TPO: variants seen among roughly 807,000 people sequenced by gnomAD.
The protein encoded by TPO is thyroid peroxidase.
A neutral mutation model predicts 96.9 loss-of-function variants in TPO; 78 were observed. That is an observed-to-expected ratio of 0.81 (90% CI 0.67 to 0.97). The LOEUF (loss-of-function observed/expected upper bound fraction) is 0.97. Ranked by LOEUF, TPO falls within the 50% of genes least tolerant of loss-of-function variation. TPO has a pLI of 0.00. For missense variants in TPO, 1,252 were observed against 1,274.8 expected, an observed-to-expected ratio of 0.98 and a Z score of 0.27; for synonymous variants, 547 against 538.0, an observed-to-expected ratio of 1.02 and a Z score of -0.23.
chr2:1,496,620 C>A lies in TPO; in HGVS notation c.2241C>A (p.Ser747Arg). The A allele has an allele frequency of 6.2e-7, 1 of 1,613,790 alleles. No individual in the cohort carries two copies. Among genetic ancestry groups the A allele is most frequent in the Non-Finnish European group, 8.5e-7 (1 of 1,179,942 alleles). ...ACGACAAGTGTGGCTTCCCAGAGAG[C>A]GTGGAGAATGGGGACTTTGTGCACT... ...PQDDKCGFPE[S>R]VENGDFVHCE... The change falls in exon 13 of 17, where the codon AGC (serine) becomes AGA (arginine). Residue 747 changes from serine to arginine, a missense_variant. Coordinates refer to ENST00000329066, the MANE Select transcript of TPO (RefSeq NM_001206744.2).
At chr2:1,521,561 G>T (rs377166724) in intron 15 of TPO, among the ~76,000 whole-genome samples, 52 of 152,272 alleles carry the variant, frequency 3.4e-4, no homozygotes, top group African/African-American at 1.2e-3. Flanking sequence ...TTGAGATGGA[G>T]TCTGAAGCTT....
intron 15 of TPO, among the ~76,000 whole-genome samples, chr2:1,519,576 A>G (rs1444816465): frequency 6.6e-6 from 1 of 152,194 alleles, no homozygotes; most frequent in Non-Finnish European, 1.5e-5. Context: ...CCTATGTTTT[A>G]TGAATCATTT....
At chr2:1,405,311 C>T (rs1255501977) in intron 1 of TPO, among the ~76,000 whole-genome samples, 1 of 151,702 alleles carries the variant, frequency 6.6e-6, no homozygotes, top group Non-Finnish European at 1.5e-5. Context: ...TCCATTCACT[C>T]ATCCATGCAC....
At chr2:1,410,715 C>A (rs1662319546), upstream of TPO, among the ~76,000 whole-genome samples, 2 of 152,028 alleles carry the variant, frequency 1.3e-5, 1 homozygote, top group African/African-American at 4.8e-5. Flanking sequence ...TTCACTGAGA[C>A]CTGCTTGTAG....
rs121908086 is a variant in TPO, at chr2:1,493,976, G to A, written c.1943G>A (p.Arg648Gln). Residue 648 changes from arginine to glutamine, a missense_variant, in exon 11 of 17, where the codon CGG becomes CAG. Arg to Gln is a conservative substitution (Grantham distance 43). Coordinates refer to ENST00000329066, the MANE Select transcript of TPO (RefSeq NM_001206744.2). ...GCTGAAAACTTCCTCCCCAGGGCTCGGACAGGGCCCCTGTTTGCCTGTCTC... is the reference window on the plus strand; with the variant it reads ...GCTGAAAACTTCCTCCCCAGGGCTCAGACAGGGCCCCTGTTTGCCTGTCTC... ...GLAENFLPRA[R>Q]TGPLFACLIG... 1.1e-5 allele frequency: 18 copies of A among 1,614,056 alleles called. No homozygotes were observed. Among genetic ancestry groups the A allele is most frequent in the Admixed American group, 1.7e-5 (1 of 60,006 alleles).
At chr2:1,405,687 C>A (rs1188903371) in intron 1 of TPO, among the ~76,000 whole-genome samples, 1 of 152,196 alleles carries the variant, frequency 6.6e-6, no homozygotes, top group Admixed American at 6.5e-5. Flanking sequence ...GAATGTCTCC[C>A]ACTCCACAGA....
intron 14 of TPO, among the ~76,000 whole-genome samples, chr2:1,506,046 C>A (rs1673425242): frequency 6.6e-6 from 1 of 151,640 alleles, no homozygotes; most frequent in Non-Finnish European, 1.5e-5. Context: ...CTCCCCCAAC[C>A]CCACAACAGG....
chr2:1,439,416 G>C (rs888247273), intron 5 of TPO: 3 of 152,426 alleles, frequency 2.0e-5, no homozygotes, highest in East Asian at 3.9e-4. Context: ...GTCACTTGTT[G>C]TTATAAAAGT....
chr2:1,524,566 C>T (rs1242947527), intron 15 of TPO, among the ~76,000 whole-genome samples: 2 of 117,788 alleles, frequency 1.7e-5, no homozygotes, highest in East Asian at 2.8e-4. Context: ...CTGTGTGCAA[C>T]CCCCCCAATC....
chr2:1,432,527 GGAGGCCTGCAGGTGAGGA>G (rs1322957492), intron 3 of TPO, among the ~76,000 whole-genome samples: 4 of 131,668 alleles, frequency 3.0e-5, no homozygotes, highest in Middle Eastern at 5.2e-3. Context: ...GCAGGTGAGG[GGAGGCCTGCAGGTGAGGA>G]GAGGCCTGCA....
chr2:1,395,492 C>T (rs144906604), intron 1 of TPO, among the ~76,000 whole-genome samples: 65 of 152,166 alleles, frequency 4.3e-4, no homozygotes, highest in African/African-American at 1.4e-3. Context: ...AATAATGCTA[C>T]GTATTTTTTG....
chr2:1,540,488 C>A (rs1390751285), intron 15 of TPO, 106 bp from the exon 16 acceptor site: 6 of 1,597,218 alleles, frequency 3.8e-6, no homozygotes, highest in Non-Finnish European at 5.1e-6. Flanking sequence ...AGTGTTCCTG[C>A]CAAAGACAAG....
At chr2:1,404,937 T>C (rs1039719250) in intron 1 of TPO, among the ~76,000 whole-genome samples, 2 of 152,216 alleles carry the variant, frequency 1.3e-5, no homozygotes, top group African/African-American at 2.4e-5. Context: ...AATAATTCAA[T>C]CAGTTATTTA....
At chr2:1,402,460 T>TG (rs1662188160) in intron 1 of TPO, among the ~76,000 whole-genome samples, 1 of 150,574 alleles carries the variant, frequency 6.6e-6, no homozygotes, top group South Asian at 2.1e-4. Flanking sequence ...CCAAGGGGGG[T>TG]GGGGGATTTC....
Position 1,484,736 on chromosome 2 carries a change from C to T in TPO, c.1479C>T (p.Gly493=). The change falls in exon 9 of 17, where the codon GGC becomes GGT. Residue 493 remains glycine, a synonymous_variant. Transcript: ENST00000329066. The part of the protein sequence containing the change: ...NVFSTAAFRF[G]HATIHPLVRR... Reference sequence around the variant, plus strand: ...TCTCCACAGCCGCCTTCCGCTTCGGCCATGCCACGATCCACCCGCTGGTGA... The same window carrying T: ...TCTCCACAGCCGCCTTCCGCTTCGGTCATGCCACGATCCACCCGCTGGTGA... 6.2e-7 allele frequency: 1 copy of T among 1,614,112 alleles called. No homozygotes were observed. The highest frequency in any genetic ancestry group is 8.5e-7 in the Non-Finnish European group (1 of 1,180,028).
intron 14 of TPO, among the ~76,000 whole-genome samples, chr2:1,515,595 C>T (rs554007316): frequency 6.6e-6 from 1 of 152,310 alleles, no homozygotes; most frequent in South Asian, 2.1e-4. Flanking sequence ...ACGGACACCA[C>T]CTGTGTCTGG....
chr2:1,524,284 C>T (rs1675906933), intron 15 of TPO, among the ~76,000 whole-genome samples: 1 of 140,402 alleles, frequency 7.1e-6, no homozygotes. Flanking sequence ...TCACAGTGAG[C>T]AACCTCCTCA....
At chr2:1,446,083 T>A (rs1026692476) in intron 5 of TPO, among the ~76,000 whole-genome samples, 4 of 152,114 alleles carry the variant, frequency 2.6e-5, no homozygotes, top group African/African-American at 7.2e-5. Context: ...GAGGGACAGG[T>A]GGCCGAGTCT....
intron 15 of TPO, among the ~76,000 whole-genome samples, chr2:1,531,999 C>G (rs1573611458): frequency 9.5e-6 from 1 of 105,394 alleles, no homozygotes; most frequent in African/African-American, 3.4e-5. Flanking sequence ...CTCCCAAAAT[C>G]TCCCCTATTG....
Sources: gnomAD v4.1 joint callset for allele counts (sites outside exome capture counted in the v4.1 genomes callset) on GRCh38, gnomAD v4.1.1 for gene constraint, MANE v1.5 for transcripts, NCBI Gene and HGNC (gene_info 2026-07-23, HGNC 2026-07-21) for gene names.